SNX2: variants seen among roughly 807,000 people sequenced by gnomAD.
The protein encoded by SNX2 is sorting nexin-2.
Under a neutral mutation model 69.9 loss-of-function variants are expected in SNX2, and 25 were observed. The ratio of observed to expected loss-of-function variants is 0.36; its 90% CI spans 0.26 to 0.50. SNX2 has a LOEUF of 0.50. SNX2 is among the 20% of genes least tolerant of loss of function. SNX2 has a pLI of 0.97. For missense variants in SNX2, 551 were observed against 613.3 expected (o/e 0.90, Z 1.07); for synonymous variants, 229 against 200.4 (o/e 1.14, Z -1.20).
chr5:122,795,437 TTAGA>T, intron 2 of SNX2, 54 bp downstream of exon 2: 1 of 1,212,194 alleles, frequency 8.2e-7, no homozygotes, highest in East Asian at 2.3e-5. Flanking sequence ...ATATTTTCTA[TTAGA>T]TAGAAAATAT....
Position 122,795,346 on chromosome 5 carries a change from A to C in SNX2, c.189A>C (p.Glu63Asp). The C allele has an allele frequency of 2.5e-6, 4 of 1,613,640 alleles. No individual in the cohort carries two copies. Among genetic ancestry groups the C allele is most frequent in the Middle Eastern group, 1.7e-4 (1 of 6,058 alleles). The change falls in exon 2 of 15, where the codon GAA becomes GAC. Residue 63 changes from glutamate (E) to aspartate (D), a missense_variant. Physicochemically the swap from Glu to Asp is conservative, Grantham distance 45. This residue lies in a region of SNX2 where 191 missense variants were observed against 162.9 expected (regional missense o/e 1.17). Coordinates refer to ENST00000379516, the MANE Select transcript of SNX2 (RefSeq NM_003100.4). The stretch of plus-strand genomic sequence containing the variant: ...ACTCCAATGGCCCAAAACCCACAGA[A>C]GTTGTATTAGATGATGACAGAGAAG... ...SANSNGPKPT[E>D]VVLDDDREDL...
At chr5:122,816,869 A>T (rs1753911682) in intron 8 of SNX2, 46 bp from the exon 9 acceptor site, 2 of 1,177,862 alleles carry the variant, frequency 1.7e-6, no homozygotes, top group Admixed American at 1.9e-5. Context: ...TTAAACCTCC[A>T]GGCTTTTAAC....
At position 122,779,627 on chromosome 5, in the gene SNX2, G is replaced by A. The variant is rs143157354; in HGVS notation, c.108+4416G>A. ...ATTGTGAATAATGCCGTTAACATTC[G>A]TGTACAAGTGGAATTGCTGGGTTAT... On this transcript the variant is annotated intron_variant, in intron 1 of 14. Coordinates refer to ENST00000379516, the MANE Select transcript of SNX2 (RefSeq NM_003100.4). 1.3e-3 allele frequency among the ~76,000 whole-genome samples: 191 copies of A among 152,270 alleles called. 1 individual carries two copies. The highest frequency in any genetic ancestry group is 3.5e-3 in the African/African-American group (147 of 41,536).
At chr5:122,785,281 G>T (rs771391162) in intron 1 of SNX2, among the ~76,000 whole-genome samples, 6 of 149,360 alleles carry the variant, frequency 4.0e-5, no homozygotes, top group African/African-American at 7.4e-5. Context: ...GTTTTTTTTT[G>T]TTGTTGTTGT....
chr5:122,814,646 G>A (rs1753859577), intron 7 of SNX2, among the ~76,000 whole-genome samples: 1 of 151,196 alleles, frequency 6.6e-6, no homozygotes, highest in African/African-American at 2.5e-5. Context: ...AGAAATTACT[G>A]ACTACATTTA....
intron 1 of SNX2, among the ~76,000 whole-genome samples, chr5:122,791,435 C>T (rs535238930): frequency 1.7e-4 from 26 of 152,310 alleles, no homozygotes; most frequent in African/African-American, 6.3e-4. Context: ...GCGCCTGCCA[C>T]CACGCCCGGC....
chr5:122,779,370 G>A (rs774314063), intron 1 of SNX2, among the ~76,000 whole-genome samples: 4 of 152,024 alleles, frequency 2.6e-5, no homozygotes, highest in Non-Finnish European at 5.9e-5. Flanking sequence ...TCTACTTTCT[G>A]TCTCTAGATT....
intron 14 of SNX2, among the ~76,000 whole-genome samples, chr5:122,828,858 C>G (rs1754216327): frequency 6.6e-6 from 1 of 152,142 alleles, no homozygotes; most frequent in African/African-American, 2.4e-5. Flanking sequence ...GCGGCTCATG[C>G]CTGTAATCTC....
At chr5:122,775,474 G>A (rs1561434518) in intron 1 of SNX2, 2 of 1,155,494 alleles carry the variant, frequency 1.7e-6, no homozygotes, top group African/African-American at 1.6e-5. Context: ...TTGCAGCGGC[G>A]CTTTCCCAGC....
intron 3 of SNX2, 22 bp from the exon 4 acceptor site, chr5:122,801,847 A>G (rs376053088): frequency 1.5e-4 from 215 of 1,449,150 alleles, no homozygotes; most frequent in Non-Finnish European, 2.0e-4. Flanking sequence ...TTTAATGCCA[A>G]AAAATAATTT....
chr5:122,808,388 A>C, intron 7 of SNX2, 33 bp downstream of exon 7: 130 of 1,390,764 alleles, frequency 9.3e-5, no homozygotes, highest in Non-Finnish European at 1.1e-4. Flanking sequence ...TATTACTCTC[A>C]TGTTTGTACC....
At position 122,803,526 on chromosome 5, in the gene SNX2, G is replaced by A. The variant is rs761196086; in HGVS notation, c.556G>A (p.Asp186Asn). The change falls in exon 6 of 15, where the codon GAC becomes AAC. Residue 186 changes from aspartate (D) to asparagine (N), a missense_variant. Asp to Asn is a conservative substitution (Grantham distance 23). Coordinates refer to ENST00000379516, the MANE Select transcript of SNX2 (RefSeq NM_003100.4). ...SEFSVKRRFSDFLGLHSKLAS... is the reference protein window; with the variant it reads ...SEFSVKRRFSNFLGLHSKLAS... ...ATTTTCAGTGAAAAGAAGATTCAGC[G>A]ACTTTCTTGGTTTGCACAGCAAATT... is the stretch of plus-strand genomic sequence containing the variant. 3.1e-6 allele frequency: 5 copies of A among 1,612,476 alleles called. No homozygotes were observed. The highest frequency in any genetic ancestry group is 4.5e-5 in the East Asian group (2 of 44,750).
At chr5:122,805,238 C>T (rs1327653866) in intron 6 of SNX2, among the ~76,000 whole-genome samples, 2 of 148,484 alleles carry the variant, frequency 1.3e-5, no homozygotes, top group African/African-American at 5.0e-5. Flanking sequence ...TTGCAGTGAG[C>T]CAAGATTGTG....
chr5:122,798,701 C>G (rs1032193135), intron 2 of SNX2, among the ~76,000 whole-genome samples: 6 of 152,246 alleles, frequency 3.9e-5, no homozygotes, highest in African/African-American at 1.4e-4. Context: ...TTGTGATTTT[C>G]CCTTTCCTGG....
chr5:122,814,297 A>G (rs970157156), intron 7 of SNX2, among the ~76,000 whole-genome samples: 7 of 152,186 alleles, frequency 4.6e-5, no homozygotes, highest in African/African-American at 1.4e-4. Context: ...GGAAATACCA[A>G]CATTTCTTAA....
chr5:122,798,946 C>T (rs939002323), intron 2 of SNX2, among the ~76,000 whole-genome samples: 1 of 152,048 alleles, frequency 6.6e-6, no homozygotes, highest in African/African-American at 2.4e-5. Flanking sequence ...ATTTAACATC[C>T]CACATGCTTT....
intron 14 of SNX2, among the ~76,000 whole-genome samples, chr5:122,828,287 AGG>A (rs1754206150): frequency 6.6e-6 from 1 of 152,172 alleles, no homozygotes; most frequent in South Asian, 2.1e-4. Context: ...AAAACATAAT[AGG>A]TTGTTTTTGA....
At chr5:122,801,535 G>T (rs1319966676) in intron 3 of SNX2, among the ~76,000 whole-genome samples, 1 of 151,756 alleles carries the variant, frequency 6.6e-6, no homozygotes, top group Admixed American at 6.6e-5. Flanking sequence ...AACCCAGGAG[G>T]TGGAGGTTGC....
At chr5:122,780,411 A>G (rs1490465740) in intron 1 of SNX2, among the ~76,000 whole-genome samples, 1 of 152,168 alleles carries the variant, frequency 6.6e-6, no homozygotes, top group African/African-American at 2.4e-5. Context: ...GATTGCATAG[A>G]GATGATCTTT....
Sources: allele counts gnomAD v4.1 joint callset (sites outside exome capture counted in the v4.1 genomes callset), GRCh38; gene constraint gnomAD v4.1.1; regional missense constraint gnomAD v4.1.1; transcripts MANE v1.5; gene names NCBI Gene and HGNC (gene_info 2026-07-23, HGNC 2026-07-21).